CLUAP1: variants seen among roughly 807,000 people sequenced by gnomAD.
The protein encoded by CLUAP1 is intraflagellar transport 38, also known as clusterin-associated protein 1.
Under a neutral mutation model 55.0 loss-of-function variants are expected in CLUAP1, and 50 were observed. The observed-to-expected ratio is 0.91, with a 90% confidence interval of 0.72 to 1.15. The LOEUF (loss-of-function observed/expected upper bound fraction) is 1.15, where lower values mean the gene tolerates loss of function less well. Among genes scored for constraint, CLUAP1 ranks in the 50% most tolerant of loss-of-function variants. The pLI is 0.00. For synonymous variants in CLUAP1, 195 were observed against 175.4 expected (o/e 1.11, Z -0.88); for missense variants, 530 against 507.6 (o/e 1.04, Z -0.42).
intron 6 of CLUAP1, among the ~76,000 whole-genome samples, chr16:3,515,868 T>C (rs951486298): frequency 3.9e-5 from 6 of 152,194 alleles, no homozygotes; most frequent in African/African-American, 1.4e-4. Context: ...TAAATAATGC[T>C]CTATTTTATT....
At chr16:3,524,242 G>C (rs2037894870) in intron 8 of CLUAP1, among the ~76,000 whole-genome samples, 1 of 150,790 alleles carries the variant, frequency 6.6e-6, no homozygotes, top group Non-Finnish European at 1.5e-5. Flanking sequence ...TTTGAAGTTG[G>C]AGTGAGCCAT....
At chr16:3,517,721 A>G (rs1160551332) in intron 6 of CLUAP1, among the ~76,000 whole-genome samples, 4 of 152,210 alleles carry the variant, frequency 2.6e-5, no homozygotes, top group Non-Finnish European at 4.4e-5. Flanking sequence ...TTACAGAACA[A>G]ATCAAAATCA....
intron 1 of CLUAP1, among the ~76,000 whole-genome samples, chr16:3,502,758 CG>C (rs2037431241): frequency 6.6e-6 from 1 of 151,982 alleles, no homozygotes; most frequent in African/African-American, 2.4e-5. Context: ...AGCACCCTGC[CG>C]GGGGACGTAG....
In CLUAP1 at chr16:3,504,659, A is replaced by C. The variant is rs887505453; in HGVS notation, c.23-61A>C. ...AGAAGGAAAAGTAAAGACAATATCT[A>C]AGTTAATAAGTAGTTGCTGTGTGAT... On this transcript the variant is annotated intron_variant, in intron 1 of 11. Coordinates refer to ENST00000576634, the MANE Select transcript of CLUAP1 (RefSeq NM_015041.3). 4.3e-5 allele frequency: 40 copies of C among 922,674 alleles called. No homozygotes were observed. In the East Asian group the frequency reaches 8.9e-4, roughly 21 times the overall value. The allele number at this position is 922,674 out of a possible 1,614,324, so 57.2% of individuals were successfully genotyped here.
intron 10 of CLUAP1, 52 bp downstream of exon 10, chr16:3,530,727 C>T: frequency 1.4e-6 from 2 of 1,453,106 alleles, no homozygotes; most frequent in East Asian, 2.3e-5. Flanking sequence ...TTTCACAGAA[C>T]ACCTGGCCAG....
chr16:3,530,327 C>T (rs2038089384), intron 9 of CLUAP1: 3 of 417,438 alleles, frequency 7.2e-6, no homozygotes, highest in Admixed American at 8.2e-5. Context: ...CTTCTCAGGT[C>T]TGTATTGGTT....
At chr16:3,535,944 A>T (rs182443709) in intron 11 of CLUAP1, 178 bp from the exon 12 acceptor site, 1 of 647,520 alleles carries the variant, frequency 1.5e-6, no homozygotes, top group African/African-American at 1.8e-5. Context: ...GATAAATTCC[A>T]GCTGGCAGTA....
In CLUAP1 at chr16:3,519,919, CT is replaced by C; in HGVS notation, c.597del (p.Asp201ThrfsTer13). On this transcript the variant is annotated frameshift_variant, in exon 7 of 12. Transcript: ENST00000576634. LOFTEE classifies it high-confidence loss of function. ...TAAATATAGACACAGGTTCAGAAGA[CT>C]AAAGACCTGCTCAATAATGTGGCCT... The part of the protein sequence containing the change: ...IKEILTQVQK[T>X]KDLLNNVASD... 1 of 1,607,978 alleles carries C rather than the reference CT, an allele frequency of 6.2e-7. No homozygotes were observed. Among genetic ancestry groups the C allele is most frequent in the Non-Finnish European group, 8.5e-7 (1 of 1,178,276 alleles).
intron 3 of CLUAP1, 103 bp downstream of exon 3, chr16:3,506,518 T>G (rs1402776191): frequency 1.2e-6 from 1 of 866,572 alleles, no homozygotes; most frequent in Non-Finnish European, 1.8e-6. Context: ...TTTTTCTTTC[T>G]TTTTTTTTGA....
chr16:3,503,450 A>G (rs1420003420), intron 1 of CLUAP1, among the ~76,000 whole-genome samples: 1 of 152,212 alleles, frequency 6.6e-6, no homozygotes. Flanking sequence ...GGCGTGAGCC[A>G]CTGTGCCCGG....
intron 7 of CLUAP1, among the ~76,000 whole-genome samples, chr16:3,522,447 C>T (rs956254666): frequency 4.6e-5 from 7 of 152,058 alleles, no homozygotes; most frequent in South Asian, 4.1e-4. Flanking sequence ...TACAGGCGTG[C>T]GCCACCGCAC....
chr16:3,498,192 C>T (rs62031814), upstream of CLUAP1, among the ~76,000 whole-genome samples: 2,136 of 152,082 alleles, frequency 0.014, 18 homozygotes, highest in Middle Eastern at 0.024. Context: ...ATGTCCCAGC[C>T]CATGAAGAGA....
Position 3,536,291 on chromosome 16 carries a change from T to C in CLUAP1, c.*20T>C. 1 of 1,612,038 alleles carries C rather than the reference T, an allele frequency of 6.2e-7. No individual in the cohort carries two copies. The highest frequency in any genetic ancestry group is 1.1e-5 in the South Asian group (1 of 90,930). ...TTCTGACCCTTTTGCCAAGGGACCC[T>C]GGCAGATTAAAACCCTCAGACTTGT... is the stretch of plus-strand genomic sequence containing the variant. On this transcript the variant is annotated 3_prime_UTR_variant, in exon 12 of 12. Coordinates refer to ENST00000576634, the MANE Select transcript of CLUAP1 (RefSeq NM_015041.3).
At chr16:3,525,546 C>T (rs1457696726) in intron 8 of CLUAP1, among the ~76,000 whole-genome samples, 2 of 151,858 alleles carry the variant, frequency 1.3e-5, no homozygotes, top group Middle Eastern at 3.4e-3. Context: ...TCCCTCCCCC[C>T]CACTCTCTCT....
intron 8 of CLUAP1, among the ~76,000 whole-genome samples, chr16:3,523,658 T>C (rs1230543172): frequency 6.6e-6 from 1 of 152,352 alleles, no homozygotes; most frequent in Non-Finnish European, 1.5e-5. Flanking sequence ...TGCATTTTAT[T>C]TTCCACTGAT....
At chr16:3,526,109 C>T (rs2037936621) in intron 8 of CLUAP1, among the ~76,000 whole-genome samples, 2 of 152,212 alleles carry the variant, frequency 1.3e-5, no homozygotes, top group East Asian at 3.9e-4. Context: ...TACAGGCATG[C>T]GTGATGGGCA....
Position 3,506,320 on chromosome 16 carries a change from T to G in CLUAP1, c.135-11T>G. 1 of 1,610,728 alleles carries G rather than the reference T, an allele frequency of 6.2e-7. No individual in the cohort carries two copies. Reference sequence around the variant, plus strand: ...TTAACCCGTGCTCTCTCCTCTTACCTCTCTTGATAGATATGAGCCCCAGAC... The same window carrying G: ...TTAACCCGTGCTCTCTCCTCTTACCGCTCTTGATAGATATGAGCCCCAGAC... On this transcript the variant is annotated splice_polypyrimidine_tract_variant and intron_variant, in intron 2 of 11. Transcript: ENST00000576634.
chr16:3,496,411 G>GCTTC, upstream of CLUAP1: 1 of 1,017,868 alleles, frequency 9.8e-7, no homozygotes, highest in Non-Finnish European at 1.5e-6. Context: ...TGATCCGGAA[G>GCTTC]ATGAAGCTTC....
intron 10 of CLUAP1, among the ~76,000 whole-genome samples, chr16:3,531,184 A>C (rs1257334731): frequency 6.6e-6 from 1 of 152,058 alleles, no homozygotes; most frequent in East Asian, 1.9e-4. Flanking sequence ...TGTGTCCGTG[A>C]ATATCCACTG....
Sources: allele counts gnomAD v4.1 joint callset (sites outside exome capture counted in the v4.1 genomes callset), GRCh38; gene constraint gnomAD v4.1.1; transcripts MANE v1.5; gene names NCBI Gene and HGNC (gene_info 2026-07-23, HGNC 2026-07-21).